Variants in PLCL1 observed in about 807,000 individuals in gnomAD.
The protein encoded by PLCL1 is inactive phospholipase C-like protein 1.
Under a neutral mutation model 84.4 loss-of-function variants are expected in PLCL1, and 41 were observed. That is an observed-to-expected ratio of 0.49 (90% CI 0.38 to 0.63). PLCL1 has a LOEUF of 0.63. Among genes scored for constraint, PLCL1 ranks in the 30% least tolerant of loss-of-function variants. The probability of loss-of-function intolerance (pLI) is 0.00; values close to 1 mark genes in which losing one functional copy is unlikely to be tolerated. For synonymous variants in PLCL1, 490 were observed against 488.3 expected, an observed-to-expected ratio of 1.00 and a Z score of -0.05; for missense variants, 1,206 against 1,367.8, an observed-to-expected ratio of 0.88 and a Z score of 1.87.
Position 197,975,147 on chromosome 2 carries a change from C to CAAA in PLCL1, c.241-108586_241-108584dup, listed in dbSNP as rs71015804. Among the ~76,000 whole-genome samples, 21 of 19,900 alleles carry CAAA rather than the reference C, an allele frequency of 1.1e-3. 1 individual carries two copies. Among genetic ancestry groups the CAAA allele is most frequent in the East Asian group, 2.0e-3 (1 of 504 alleles). The allele number at this position is 19,900 out of a possible 152,430, so 13.1% of individuals were successfully genotyped here. ...TGGGCGACAGAGCGAGACTCCATCT[C>CAAA]AAAAAAAAAAAAAAAAAAAAAAAAA... On this transcript the variant is annotated intron_variant, in intron 1 of 5. Coordinates refer to ENST00000428675, the MANE Select transcript of PLCL1 (RefSeq NM_006226.4).
intron 1 of PLCL1, among the ~76,000 whole-genome samples, chr2:197,879,452 C>G (rs1331278852): frequency 2.0e-5 from 3 of 152,102 alleles, no homozygotes; most frequent in Non-Finnish European, 4.4e-5. Context: ...CTGTAACTAA[C>G]TTGTGCTTGC....
chr2:197,885,370 AG>A (rs1369574213), intron 1 of PLCL1, among the ~76,000 whole-genome samples: 1 of 152,210 alleles, frequency 6.6e-6, no homozygotes, highest in Non-Finnish European at 1.5e-5. Context: ...TCTGAAGGCA[AG>A]GGAAGATGAA....
At chr2:197,851,905 A>G (rs1351689058) in intron 1 of PLCL1, among the ~76,000 whole-genome samples, 1 of 152,224 alleles carries the variant, frequency 6.6e-6, no homozygotes, top group African/African-American at 2.4e-5. Flanking sequence ...TTCTGTACCA[A>G]TGTGAGGCCA....
chr2:198,124,715 A>G (rs561940928), intron 5 of PLCL1, among the ~76,000 whole-genome samples: 5 of 152,258 alleles, frequency 3.3e-5, no homozygotes, highest in African/African-American at 1.2e-4. Context: ...AACATGATAG[A>G]AGCAGCTACT....
chr2:198,047,596 C>T (rs984957123), intron 1 of PLCL1, among the ~76,000 whole-genome samples: 19 of 152,166 alleles, frequency 1.2e-4, no homozygotes, highest in African/African-American at 4.6e-4. Flanking sequence ...AGGATTAAAA[C>T]ATGTTGAAAA....
In PLCL1 at chr2:197,866,193, C is replaced by CTA. The variant is rs202235452; in HGVS notation, c.240+60869_240+60870dup. 4.3e-3 allele frequency among the ~76,000 whole-genome samples: 349 copies of CTA among 81,928 alleles called. 35 individuals carry two copies. Among genetic ancestry groups the CTA allele is most frequent in the Non-Finnish European group, 7.1e-3 (295 of 41,558 alleles). The allele number at this position is 81,928 out of a possible 152,430, so 53.7% of individuals were successfully genotyped here. ...TATATAAACTATATATATATATAAA[C>CTA]TATATATATATATATAGTTAGTTTA... On this transcript the variant is annotated intron_variant, in intron 1 of 5. Coordinates refer to ENST00000428675, the MANE Select transcript of PLCL1 (RefSeq NM_006226.4).
intron 1 of PLCL1, among the ~76,000 whole-genome samples, chr2:198,024,411 GA>G (rs11450711): frequency 1.3e-5 from 2 of 151,378 alleles, no homozygotes; most frequent in African/African-American, 4.9e-5. Flanking sequence ...TTAAAAAAAG[GA>G]AAAAAAAGCA....
chr2:197,894,031 G>A (rs978099938), intron 1 of PLCL1, among the ~76,000 whole-genome samples: 1 of 151,878 alleles, frequency 6.6e-6, no homozygotes, highest in East Asian at 1.9e-4. Flanking sequence ...GTAAGGGGTG[G>A]GGGGTAGTGC....
At chr2:198,031,901 C>G (rs1691436791) in intron 1 of PLCL1, among the ~76,000 whole-genome samples, 1 of 151,790 alleles carries the variant, frequency 6.6e-6, no homozygotes, top group African/African-American at 2.4e-5. Flanking sequence ...ATTATTGCAT[C>G]AAAAATAATT....
chr2:197,865,480 A>G (rs1019111237), intron 1 of PLCL1, among the ~76,000 whole-genome samples: 1 of 152,180 alleles, frequency 6.6e-6, no homozygotes, highest in African/African-American at 2.4e-5. Flanking sequence ...CTCACATGCA[A>G]TAAGATGGAA....
chr2:197,978,985 A>C (rs955929260), intron 1 of PLCL1, among the ~76,000 whole-genome samples: 1 of 152,232 alleles, frequency 6.6e-6, no homozygotes. Flanking sequence ...GAGTGACGCT[A>C]TTCAAGGACC....
At chr2:197,979,848 G>A (rs965143512) in intron 1 of PLCL1, among the ~76,000 whole-genome samples, 2 of 152,034 alleles carry the variant, frequency 1.3e-5, no homozygotes, top group Non-Finnish European at 1.5e-5. Flanking sequence ...CTCATCTGTG[G>A]TGCCTTTCCC....
intron 5 of PLCL1, among the ~76,000 whole-genome samples, chr2:198,104,977 G>C (rs1382296120): frequency 6.6e-6 from 1 of 152,022 alleles, no homozygotes; most frequent in African/African-American, 2.4e-5. Context: ...TAGGTTGTCT[G>C]TTTGCTGTCT....
intron 1 of PLCL1, among the ~76,000 whole-genome samples, chr2:197,901,815 T>A (rs1020146763): frequency 3.3e-5 from 5 of 152,292 alleles, no homozygotes; most frequent in African/African-American, 1.2e-4. Flanking sequence ...GAAAAATATG[T>A]CTTGAGAGGT....
intron 1 of PLCL1, among the ~76,000 whole-genome samples, chr2:197,881,742 A>G (rs1687833721): frequency 1.3e-5 from 2 of 152,080 alleles, no homozygotes; most frequent in South Asian, 2.1e-4. Context: ...GTGTTTTAAA[A>G]AACTTTTTAT....
At chr2:198,122,313 T>C (rs1011796360) in intron 5 of PLCL1, among the ~76,000 whole-genome samples, 2 of 152,230 alleles carry the variant, frequency 1.3e-5, no homozygotes, top group Admixed American at 1.3e-4. Flanking sequence ...TCTAGCATGG[T>C]TCAGATATTA....
intron 5 of PLCL1, among the ~76,000 whole-genome samples, chr2:198,144,821 T>C (rs934235274): frequency 6.6e-6 from 1 of 152,140 alleles, no homozygotes; most frequent in Non-Finnish European, 1.5e-5. Flanking sequence ...TGGGTAACAA[T>C]GAATAGGAGT....
At chr2:198,145,971 C>A (rs966736112) in intron 5 of PLCL1, among the ~76,000 whole-genome samples, 1 of 152,140 alleles carries the variant, frequency 6.6e-6, no homozygotes, top group African/African-American at 2.4e-5. Context: ...GCCATAGACA[C>A]CTGTCCCTGC....
intron 5 of PLCL1, among the ~76,000 whole-genome samples, chr2:198,125,843 A>G (rs564267254): frequency 2.0e-5 from 3 of 152,234 alleles, no homozygotes; most frequent in Non-Finnish European, 4.4e-5. Context: ...AATATGGAAA[A>G]TTAAAGAGTA....
Sources: gnomAD v4.1 joint callset for allele counts (sites outside exome capture counted in the v4.1 genomes callset) on GRCh38, gnomAD v4.1.1 for gene constraint, MANE v1.5 for transcripts, NCBI Gene and HGNC (gene_info 2026-07-23, HGNC 2026-07-21) for gene names.